The following SEMA3D variants were observed in gnomAD, a reference collection of about 807,000 sequenced individuals.
SEMA3D encodes semaphorin 3D, also known as semaphorin-3D.
SEMA3D carries 84 observed loss-of-function variants against 100.1 expected under a neutral mutation model. The observed-to-expected ratio is 0.84, with a 90% CI of 0.70 to 1.01. SEMA3D has a LOEUF of 1.01. SEMA3D is among the 50% of genes least tolerant of loss of function. The pLI is 0.00. For missense variants in SEMA3D, 875 were observed against 934.1 expected (o/e 0.94, Z 0.82); for synonymous variants, 312 against 320.7 (o/e 0.97, Z 0.29).
intron 12 of SEMA3D, among the ~76,000 whole-genome samples, chr7:85,035,048 C>T (rs897974769): frequency 4.4e-4 from 67 of 151,966 alleles, no homozygotes; most frequent in African/African-American, 1.6e-3. Context: ...CAGCACTATT[C>T]ACAATAGTCA....
At chr7:85,155,994 G>A (rs577887482) in intron 1 of SEMA3D, among the ~76,000 whole-genome samples, 178 of 151,940 alleles carry the variant, frequency 1.2e-3, no homozygotes, top group African/African-American at 4.2e-3. Context: ...TTTTTCTTCT[G>A]ATAATTGTTA....
chr7:85,140,763 GAATT>G, intron 2 of SEMA3D: 2 of 971,482 alleles, frequency 2.1e-6, no homozygotes, highest in Non-Finnish European at 2.4e-6. Flanking sequence ...AATAATGAAT[GAATT>G]AATGTATATT....
intron 4 of SEMA3D, among the ~76,000 whole-genome samples, chr7:85,089,101 G>C (rs192068649): frequency 6.6e-6 from 1 of 152,064 alleles, no homozygotes; most frequent in Non-Finnish European, 1.5e-5. Flanking sequence ...CTGCATCGCC[G>C]CTTGGTTTGT....
intron 1 of SEMA3D, among the ~76,000 whole-genome samples, chr7:85,155,500 C>T (rs1290880712): frequency 6.6e-6 from 1 of 152,006 alleles, no homozygotes; most frequent in African/African-American, 2.4e-5. Flanking sequence ...CATACTGAAA[C>T]TTAATGTATT....
intron 15 of SEMA3D, among the ~76,000 whole-genome samples, chr7:85,017,125 A>C (rs1337951965): frequency 6.6e-6 from 1 of 151,658 alleles, no homozygotes; most frequent in East Asian, 2.0e-4. Flanking sequence ...ACACTTTTGC[A>C]AAGATTCTCC....
At chr7:85,102,486 G>A (rs1196366086) in intron 3 of SEMA3D, among the ~76,000 whole-genome samples, 1 of 151,916 alleles carries the variant, frequency 6.6e-6, no homozygotes, top group African/African-American at 2.4e-5. Context: ...GACTATGTTG[G>A]GTGGAAATAA....
intron 15 of SEMA3D, 29 bp downstream of exon 15, chr7:85,018,223 T>C: frequency 2.1e-6 from 3 of 1,460,696 alleles, no homozygotes; most frequent in South Asian, 1.1e-5. Flanking sequence ...GCTTTTGTGA[T>C]TAACTTTCAT....
intron 9 of SEMA3D, among the ~76,000 whole-genome samples, chr7:85,042,726 G>T (rs80299613): frequency 6.6e-6 from 1 of 152,004 alleles, no homozygotes; most frequent in Admixed American, 6.6e-5. Flanking sequence ...AAGCTGGAGC[G>T]CAGTAATTAT....
chr7:85,142,303 T>C, intron 2 of SEMA3D: 1 of 979,386 alleles, frequency 1.0e-6, no homozygotes, highest in Non-Finnish European at 1.2e-6. Context: ...CTTAGTTTTA[T>C]CTACACCCTC....
intron 5 of SEMA3D, among the ~76,000 whole-genome samples, chr7:85,074,576 G>C (rs890284342): frequency 1.3e-5 from 2 of 151,526 alleles, no homozygotes; most frequent in Non-Finnish European, 2.9e-5. Context: ...AAAGTGAATA[G>C]CTATGTCTAC....
At chr7:85,111,400 C>A (rs1325154001) in intron 3 of SEMA3D, among the ~76,000 whole-genome samples, 1 of 152,002 alleles carries the variant, frequency 6.6e-6, no homozygotes, top group Non-Finnish European at 1.5e-5. Flanking sequence ...GTATTTCCCA[C>A]TTTAATTAAT....
intron 2 of SEMA3D, among the ~76,000 whole-genome samples, chr7:85,144,012 G>A (rs1040576648): frequency 4.6e-5 from 7 of 151,832 alleles, no homozygotes; most frequent in Admixed American, 1.3e-4. Flanking sequence ...AGCCTGGCCC[G>A]AGACTTGTAA....
chr7:85,126,031 T>C lies in SEMA3D; in HGVS notation c.-40-4100A>G, dbSNP rs1172582977. Among the ~76,000 whole-genome samples, 3 of 151,610 alleles carry C rather than the reference T, an allele frequency of 2.0e-5. No individual in the cohort carries two copies. The East Asian group carries it at 5.8e-4, about 29-fold the overall frequency. On this transcript the variant is annotated intron_variant, in intron 2 of 18. Coordinates refer to ENST00000284136, the MANE Select transcript of SEMA3D (RefSeq NM_001384900.1). Reference sequence around the variant, plus strand: ...CTTCAGATGTGGAGCCAATAGGGAGTTTTCTGATTATGAGAGACTTTTACA... The same window carrying C: ...CTTCAGATGTGGAGCCAATAGGGAGCTTTCTGATTATGAGAGACTTTTACA...
intron 12 of SEMA3D, among the ~76,000 whole-genome samples, chr7:85,024,852 T>C (rs1790349813): frequency 6.6e-6 from 1 of 151,990 alleles, no homozygotes; most frequent in Non-Finnish European, 1.5e-5. Flanking sequence ...AATTTTTGCG[T>C]TGATATCATA....
At chr7:85,102,288 T>C (rs1388173446) in intron 3 of SEMA3D, among the ~76,000 whole-genome samples, 3 of 151,986 alleles carry the variant, frequency 2.0e-5, no homozygotes, top group African/African-American at 4.8e-5. Flanking sequence ...GGAACACATG[T>C]TACTCCAGGT....
intron 12 of SEMA3D, chr7:85,028,382 GACAAA>G: frequency 1.4e-5 from 2 of 141,042 alleles, no homozygotes; most frequent in Non-Finnish European, 2.3e-5. Context: ...TTACAGTTTA[GACAAA>G]AAAAAAAAAA....
intron 8 of SEMA3D, among the ~76,000 whole-genome samples, chr7:85,060,372 A>T (rs764846606): frequency 2.0e-5 from 3 of 152,140 alleles, no homozygotes; most frequent in Admixed American, 6.5e-5. Flanking sequence ...TAGAACTCTG[A>T]TGTTAGTATT....
chr7:85,107,076 G>T (rs1788948673), intron 3 of SEMA3D, among the ~76,000 whole-genome samples: 1 of 151,872 alleles, frequency 6.6e-6, no homozygotes, highest in Admixed American at 6.6e-5. Flanking sequence ...CCCTCTCTCG[G>T]TATTATGAAA....
chr7:85,202,649 A>G, the SEMA3D span, among the ~76,000 whole-genome samples: 2 of 152,156 alleles, frequency 1.3e-5, no homozygotes, highest in Non-Finnish European at 2.9e-5. Flanking sequence ...TTACAAGAAA[A>G]AAGCAAACAA....
Sources: allele counts gnomAD v4.1 joint callset (sites outside exome capture counted in the v4.1 genomes callset), GRCh38; gene constraint gnomAD v4.1.1; transcripts MANE v1.5; gene names NCBI Gene and HGNC (gene_info 2026-07-23, HGNC 2026-07-21).